The following PRMT3 variants were observed in gnomAD, a reference collection of about 807,000 sequenced individuals.
PRMT3 encodes protein arginine N-methyltransferase 3.
In PRMT3, 62 loss-of-function variants were observed where a neutral mutation model predicts 71.9. The ratio of observed to expected loss-of-function variants is 0.86; its 90% CI spans 0.70 to 1.07. PRMT3 has a LOEUF of 1.07. Among genes scored for constraint, PRMT3 ranks in the 50% least tolerant of loss-of-function variants. The probability of loss-of-function intolerance (pLI) is 0.00; values close to 1 mark genes in which losing one functional copy is unlikely to be tolerated. For missense variants in PRMT3, 663 were observed against 643.0 expected (o/e 1.03, Z -0.34); for synonymous variants, 213 against 220.4 (o/e 0.97, Z 0.30).
At chr11:20,394,334 T>C (rs1848779240) in intron 5 of PRMT3, among the ~76,000 whole-genome samples, 1 of 152,208 alleles carries the variant, frequency 6.6e-6, no homozygotes, top group Non-Finnish European at 1.5e-5. Context: ...AATTAGGATA[T>C]TTAATAATAT....
At chr11:20,447,814 A>T (rs118104185) in intron 10 of PRMT3, among the ~76,000 whole-genome samples, 1 of 151,930 alleles carries the variant, frequency 6.6e-6, no homozygotes, top group African/African-American at 2.4e-5. Context: ...TTGCCTGCTT[A>T]TTTATGTAAA....
intron 10 of PRMT3, among the ~76,000 whole-genome samples, chr11:20,451,122 G>A (rs1434444061): frequency 6.6e-6 from 1 of 152,068 alleles, no homozygotes; most frequent in African/African-American, 2.4e-5. Flanking sequence ...CACAGTATTG[G>A]AATGTAGCGT....
At chr11:20,416,227 CCT>C (rs1250387141) in intron 9 of PRMT3, among the ~76,000 whole-genome samples, 2 of 152,082 alleles carry the variant, frequency 1.3e-5, no homozygotes, top group Non-Finnish European at 2.9e-5. Flanking sequence ...ACTTAATTCT[CCT>C]CTATTTTAAA....
intron 11 of PRMT3, 85 bp from the exon 12 acceptor site, chr11:20,461,895 T>A: frequency 8.3e-7 from 1 of 1,203,784 alleles, no homozygotes; most frequent in Non-Finnish European, 1.1e-6. Context: ...CTGATGGATT[T>A]GATATTTATA....
At chr11:20,446,409 G>A (rs112430692) in intron 10 of PRMT3, among the ~76,000 whole-genome samples, 10 of 151,030 alleles carry the variant, frequency 6.6e-5, no homozygotes, top group Non-Finnish European at 1.0e-4. Context: ...ATATACAAAC[G>A]TGTATATGTG....
At chr11:20,433,153 G>T (rs1462063984) in intron 10 of PRMT3, among the ~76,000 whole-genome samples, 1 of 151,642 alleles carries the variant, frequency 6.6e-6, no homozygotes, top group Non-Finnish European at 1.5e-5. Flanking sequence ...CATCACCTAG[G>T]TACTAAGCCT....
chr11:20,508,206 A>G, intron 15 of PRMT3, 98 bp from the exon 16 acceptor site: 1 of 613,632 alleles, frequency 1.6e-6, no homozygotes, highest in East Asian at 2.9e-5. Flanking sequence ...AAAAGTGGGA[A>G]AACATCACAA....
intron 10 of PRMT3, among the ~76,000 whole-genome samples, chr11:20,441,715 A>G (rs1849907610): frequency 3.3e-5 from 5 of 150,920 alleles, no homozygotes; most frequent in Admixed American, 2.6e-4. Flanking sequence ...GCGTCTCTTT[A>G]CGTCTGTGCA....
At chr11:20,469,576 G>C (rs1265862439) in intron 13 of PRMT3, among the ~76,000 whole-genome samples, 1 of 152,118 alleles carries the variant, frequency 6.6e-6, no homozygotes, top group African/African-American at 2.4e-5. Context: ...ATGCTTGCTT[G>C]GGCCCAGAAG....
At chr11:20,460,036 G>C (rs144522719) in intron 11 of PRMT3, among the ~76,000 whole-genome samples, 1 of 152,148 alleles carries the variant, frequency 6.6e-6, no homozygotes. Flanking sequence ...TTAGTACTAC[G>C]TAGTTTTTTC....
chr11:20,437,473 G>A (rs1466052376), intron 10 of PRMT3, among the ~76,000 whole-genome samples: 1 of 152,164 alleles, frequency 6.6e-6, no homozygotes, highest in Non-Finnish European at 1.5e-5. Context: ...TTCCAGATAG[G>A]TGCAGTGGTA....
intron 5 of PRMT3, among the ~76,000 whole-genome samples, chr11:20,395,542 A>G (rs913479340): frequency 1.3e-5 from 2 of 151,572 alleles, no homozygotes; most frequent in African/African-American, 4.8e-5. Flanking sequence ...TAGTAGAGAT[A>G]AGGTTTCACC....
In PRMT3 at chr11:20,408,022, G is replaced by C. The variant is rs1395624667; in HGVS notation, c.883G>C (p.Asp295His). Reference protein sequence around the residue: ...DQSEILYQAMDIIRLNKLEDT... With the variant: ...DQSEILYQAMHIIRLNKLEDT... ...ATCTGAAATACTTTACCAGGCAATG[G>C]ATATTATAAGGTACATATATTTTAA... The change falls in exon 9 of 16, where the codon GAT becomes CAT. Residue 295 changes from aspartate to histidine, a missense_variant. Physicochemically the swap from Asp to His is moderately conservative, Grantham distance 81. Transcript: ENST00000331079. 1 of 1,575,318 alleles carries C rather than the reference G, an allele frequency of 6.3e-7. No individual in the cohort carries two copies. Among genetic ancestry groups the C allele is most frequent in the East Asian group, 2.2e-5 (1 of 44,526 alleles).
chr11:20,485,537 T>G (rs1223841522), intron 13 of PRMT3, among the ~76,000 whole-genome samples: 4 of 152,158 alleles, frequency 2.6e-5, no homozygotes, highest in Admixed American at 1.3e-4. Context: ...TGAACAGACA[T>G]TCTAAGACCA....
At chr11:20,501,229 A>C (rs142212616) in intron 15 of PRMT3, among the ~76,000 whole-genome samples, 10 of 152,282 alleles carry the variant, frequency 6.6e-5, no homozygotes, top group South Asian at 2.1e-4. Context: ...ACAACATCTT[A>C]GTGTACTGGA....
chr11:20,456,763 G>T (rs7114918), intron 11 of PRMT3, among the ~76,000 whole-genome samples: 118,581 of 152,168 alleles, frequency 0.78, 48,431 homozygotes, highest in Non-Finnish European at 0.92. Context: ...GGATTGGATT[G>T]AATGAATTTA....
chr11:20,481,677 TTTGTC>T (rs1850940704), intron 13 of PRMT3, among the ~76,000 whole-genome samples: 1 of 152,074 alleles, frequency 6.6e-6, no homozygotes, highest in African/African-American at 2.4e-5. Flanking sequence ...AAAATAATGT[TTTGTC>T]TTATTACTTT....
chr11:20,388,255 C>T, intron 2 of PRMT3, 101 bp downstream of exon 2: 1 of 1,530,330 alleles, frequency 6.5e-7, no homozygotes, highest in Non-Finnish European at 8.9e-7. Flanking sequence ...CCAGAGTGGC[C>T]TGTCTTTGAA....
intron 13 of PRMT3, among the ~76,000 whole-genome samples, chr11:20,477,605 G>A (rs1277321480): frequency 6.6e-6 from 1 of 151,996 alleles, no homozygotes; most frequent in African/African-American, 2.4e-5. Context: ...ATCTGTTCTT[G>A]ACGGGAGGGT....
Sources: allele counts gnomAD v4.1 joint callset (sites outside exome capture counted in the v4.1 genomes callset), GRCh38; gene constraint gnomAD v4.1.1; transcripts MANE v1.5; gene names NCBI Gene and HGNC (gene_info 2026-07-23, HGNC 2026-07-21).